The following GMDS variants were observed in gnomAD, a reference collection of about 807,000 sequenced individuals.
GMDS encodes the protein GDP-mannose 4,6 dehydratase.
A neutral mutation model predicts 49.9 loss-of-function variants in GMDS; 20 were observed. That is an observed-to-expected ratio of 0.40 (90% confidence interval 0.28 to 0.58). The LOEUF is 0.58. Among genes scored for constraint, GMDS ranks in the 20% least tolerant of loss-of-function variants. GMDS has a pLI of 0.42. For missense variants in GMDS, 362 were observed against 481.4 expected, an observed-to-expected ratio of 0.75 and a Z score of 2.32; for synonymous variants, 177 against 178.6, an observed-to-expected ratio of 0.99 and a Z score of 0.07.
chr6:1,960,490 G>C (rs902473061), intron 5 of GMDS, among the ~76,000 whole-genome samples: 1 of 152,138 alleles, frequency 6.6e-6, no homozygotes, highest in Admixed American at 6.6e-5. Flanking sequence ...CATTGGGTCT[G>C]ATTTTCCATT....
chr6:2,092,554 G>C (rs1410017157), intron 4 of GMDS, among the ~76,000 whole-genome samples: 1 of 152,106 alleles, frequency 6.6e-6, no homozygotes, highest in Non-Finnish European at 1.5e-5. Flanking sequence ...CGCATTTATT[G>C]TACGTAACAG....
At chr6:1,645,686 C>CT (rs1482409551) in intron 9 of GMDS, among the ~76,000 whole-genome samples, 1 of 152,234 alleles carries the variant, frequency 6.6e-6, no homozygotes, top group Non-Finnish European at 1.5e-5. Flanking sequence ...GGACATCACT[C>CT]TATCTTCAGC....
intron 7 of GMDS, among the ~76,000 whole-genome samples, chr6:1,899,332 G>A (rs1760379781): frequency 6.6e-6 from 1 of 151,384 alleles, no homozygotes; most frequent in Non-Finnish European, 1.5e-5. Context: ...CCATCAGAAT[G>A]CACTGGCATA....
chr6:2,202,717 C>T (rs570827868), intron 1 of GMDS, among the ~76,000 whole-genome samples: 11 of 152,102 alleles, frequency 7.2e-5, no homozygotes, highest in Non-Finnish European at 1.0e-4. Flanking sequence ...CATGATGCCA[C>T]GTCTGTTGTG....
intron 7 of GMDS, among the ~76,000 whole-genome samples, chr6:1,819,547 G>T (rs1770800222): frequency 6.6e-6 from 1 of 151,892 alleles, no homozygotes; most frequent in African/African-American, 2.4e-5. Flanking sequence ...GATCACTTGA[G>T]GTCAGAAGTT....
Position 1,757,036 on chromosome 6 carries a change from T to C in GMDS, c.772-14450A>G, listed in dbSNP as rs370394065. Among the ~76,000 whole-genome samples, 30 of 152,252 alleles carry C rather than the reference T, an allele frequency of 2.0e-4. No homozygotes were observed. In the South Asian group the frequency reaches 5.4e-3, roughly 27 times the overall value. On this transcript the variant is annotated intron_variant, in intron 7 of 10. Transcript: ENST00000380815. ...TACCGTAGCCATCTCTAGAAAAAAA[T>C]CTACCACAAAGAGCTATCTTGTGAT...
chr6:2,112,526 G>C (rs561161535), intron 4 of GMDS, among the ~76,000 whole-genome samples: 1 of 152,182 alleles, frequency 6.6e-6, no homozygotes, highest in African/African-American at 2.4e-5. Context: ...TAGACCTAAA[G>C]AATCAAGGAT....
chr6:1,778,589 G>A lies in GMDS; in HGVS notation c.772-36003C>T, dbSNP rs760310528. On this transcript the variant is annotated intron_variant, in intron 7 of 10. Transcript: ENST00000380815. This position sits in a 1 kb window ranked among gnomAD's most constrained non-coding sequence, Gnocchi z 4.6. ...AAACAGAAATTTAGCCCAATGTCTC[G>A]AACTGCAGGATTAGAGTAACATTAG... Among the ~76,000 whole-genome samples the A allele has an allele frequency of 6.6e-4, 100 of 152,252 alleles. No homozygotes were observed. The highest frequency in any genetic ancestry group is 9.3e-4 in the Non-Finnish European group (63 of 68,008).
chr6:2,124,639 T>A (rs1775318163), intron 2 of GMDS, 48 bp downstream of exon 2: 1 of 1,475,446 alleles, frequency 6.8e-7, no homozygotes, highest in East Asian at 2.3e-5. Context: ...GGCCGCTGCA[T>A]GCGAGCAACC....
chr6:2,223,365 CCCCCCAGGGCAAGAGAGAGCCACCA>C, intron 1 of GMDS, among the ~76,000 whole-genome samples: 3 of 151,878 alleles, frequency 2.0e-5, no homozygotes, highest in Non-Finnish European at 4.4e-5. Flanking sequence ...AGTTTACACT[CCCCCCAGGGCAAGAGAGAGCCACCA>C]ATAGTTTAAG....
At position 1,635,761 on chromosome 6, in the gene GMDS, G is replaced by A. The variant is rs1273946645; in HGVS notation, c.988-11221C>T. ...ATGATACTGCGGTGGATGTGAAGGCGCTTTGGAAAAGACAGCTCTATCCAA... is the reference window on the plus strand; with the variant it reads ...ATGATACTGCGGTGGATGTGAAGGCACTTTGGAAAAGACAGCTCTATCCAA... On this transcript the variant is annotated intron_variant, in intron 9 of 10. Coordinates refer to ENST00000380815, the MANE Select transcript of GMDS (RefSeq NM_001500.4). This position sits in a 1 kb window ranked among gnomAD's most constrained non-coding sequence, Gnocchi z 4.7. Among the ~76,000 whole-genome samples the A allele has an allele frequency of 1.3e-5, 2 of 152,174 alleles. No homozygotes were observed. The highest frequency in any genetic ancestry group is 2.1e-4 in the South Asian group (1 of 4,828).
At chr6:1,878,602 A>T (rs1759215198) in intron 7 of GMDS, among the ~76,000 whole-genome samples, 1 of 152,208 alleles carries the variant, frequency 6.6e-6, no homozygotes, top group South Asian at 2.1e-4. Flanking sequence ...GAAAAAAGAA[A>T]GTAACATTTA....
intron 9 of GMDS, among the ~76,000 whole-genome samples, chr6:1,697,476 A>T (rs1021196558): frequency 6.6e-6 from 1 of 152,240 alleles, no homozygotes; most frequent in Non-Finnish European, 1.5e-5. Flanking sequence ...TAACAAAATT[A>T]AAAAGCTAGA....
rs79458547 is a variant in GMDS at position 2,082,655 on chromosome 6, G to A, written c.345+33116C>T. Reference sequence around the variant, plus strand: ...CAGTGTTTTTCAAACTGAAAGTAATGGTTATGGGTCACAAAATCAATTTAG... The same window carrying A: ...CAGTGTTTTTCAAACTGAAAGTAATAGTTATGGGTCACAAAATCAATTTAG... On this transcript the variant is annotated intron_variant, in intron 4 of 10. Coordinates refer to ENST00000380815, the MANE Select transcript of GMDS (RefSeq NM_001500.4). Among the ~76,000 whole-genome samples, 687 of 152,268 alleles carry A rather than the reference G, an allele frequency of 4.5e-3. 5 individuals are homozygous for A. Among genetic ancestry groups the A allele is most frequent in the African/African-American group, 0.016 (649 of 41,548 alleles).
chr6:2,113,619 C>T (rs1774677411), intron 4 of GMDS, among the ~76,000 whole-genome samples: 1 of 152,016 alleles, frequency 6.6e-6, no homozygotes, highest in Non-Finnish European at 1.5e-5. Flanking sequence ...CTCTCTATAC[C>T]TCAACACCAG....
chr6:1,671,572 A>G (rs2113281094), intron 9 of GMDS, among the ~76,000 whole-genome samples: 1 of 152,254 alleles, frequency 6.6e-6, no homozygotes. Flanking sequence ...CATTCTGAGA[A>G]TTTGAGAGGA....
intron 1 of GMDS, among the ~76,000 whole-genome samples, chr6:2,141,261 C>T (rs1375409510): frequency 2.0e-5 from 3 of 152,102 alleles, no homozygotes; most frequent in Non-Finnish European, 2.9e-5. Context: ...CCTGTGGAGA[C>T]AAGTTATCAG....
chr6:1,968,143 A>C (rs1027251815), intron 4 of GMDS, among the ~76,000 whole-genome samples: 3 of 152,244 alleles, frequency 2.0e-5, no homozygotes, highest in African/African-American at 7.2e-5. Context: ...TTTTATAACT[A>C]TGTGAAACTG....
At chr6:1,850,952 C>T (rs1236254201) in intron 7 of GMDS, among the ~76,000 whole-genome samples, 1 of 152,248 alleles carries the variant, frequency 6.6e-6, no homozygotes, top group African/African-American at 2.4e-5. Context: ...GGTATAACCA[C>T]CACCATGCAA....
Sources: gnomAD v4.1 joint callset for allele counts (sites outside exome capture counted in the v4.1 genomes callset) on GRCh38, gnomAD v4.1.1 for gene constraint, Gnocchi (gnomAD v3.1) non-coding constraint, MANE v1.5 for transcripts, NCBI Gene and HGNC (gene_info 2026-07-23, HGNC 2026-07-21) for gene names.